FAM81A: variants seen among roughly 807,000 people sequenced by gnomAD.
The protein encoded by FAM81A is protein FAM81A.
A neutral mutation model predicts 46.7 loss-of-function variants in FAM81A; 19 were observed. That is an observed-to-expected ratio of 0.41 (90% confidence interval 0.28 to 0.60). The LOEUF (loss-of-function observed/expected upper bound fraction) is 0.60. Ranked by LOEUF, FAM81A falls within the 20% of genes least tolerant of loss-of-function variation. FAM81A has a pLI of 0.34. For missense variants in FAM81A, 377 were observed against 453.5 expected, an observed-to-expected ratio of 0.83 and a Z score of 1.53; for synonymous variants, 183 against 152.9, an observed-to-expected ratio of 1.20 and a Z score of -1.45.
intron 3 of FAM81A, among the ~76,000 whole-genome samples, chr15:59,475,833 A>G (rs1300175499): frequency 6.6e-6 from 1 of 152,214 alleles, no homozygotes. Flanking sequence ...GTCTACCTAA[A>G]CATGTTAGGA....
intron 1 of FAM81A, among the ~76,000 whole-genome samples, chr15:59,450,569 C>A (rs1168906155): frequency 1.1e-4 from 16 of 152,080 alleles, no homozygotes; most frequent in African/African-American, 3.9e-4. Context: ...TTGATCTTTT[C>A]ATACTTGATT....
chr15:59,453,025 A>G (rs2081437750), intron 1 of FAM81A, among the ~76,000 whole-genome samples: 1 of 152,230 alleles, frequency 6.6e-6, no homozygotes, highest in South Asian at 2.1e-4. Flanking sequence ...GGCCTCCCAA[A>G]GTGCTGGGAT....
chr15:59,485,313 C>T (rs370961859), intron 3 of FAM81A, among the ~76,000 whole-genome samples: 44 of 152,290 alleles, frequency 2.9e-4, no homozygotes, highest in African/African-American at 1.0e-3. Context: ...GAGCAAGATT[C>T]GGTGCTGTGC....
At chr15:59,479,617 G>A (rs1489174048) in intron 3 of FAM81A, among the ~76,000 whole-genome samples, 1 of 151,628 alleles carries the variant, frequency 6.6e-6, no homozygotes, top group Non-Finnish European at 1.5e-5. Context: ...CAAGGTGGTG[G>A]TGTTGAGGGA....
chr15:59,446,111 C>T (rs1422765747), intron 1 of FAM81A, among the ~76,000 whole-genome samples: 1 of 152,162 alleles, frequency 6.6e-6, no homozygotes, highest in African/African-American at 2.4e-5. Flanking sequence ...TATGAGTGTC[C>T]GTGAAGAGGC....
intron 3 of FAM81A, among the ~76,000 whole-genome samples, chr15:59,487,671 C>G (rs1239844133): frequency 6.6e-6 from 1 of 152,054 alleles, no homozygotes; most frequent in African/African-American, 2.4e-5. Context: ...TGGATAAATT[C>G]TTAGACACAT....
intron 3 of FAM81A, among the ~76,000 whole-genome samples, chr15:59,490,038 T>G (rs1031240537): frequency 6.6e-6 from 1 of 151,458 alleles, no homozygotes; most frequent in Admixed American, 6.6e-5. Flanking sequence ...ACAGAAATAA[T>G]CTGTACAACA....
At chr15:59,459,674 G>A (rs368045519) in intron 2 of FAM81A, among the ~76,000 whole-genome samples, 1 of 151,978 alleles carries the variant, frequency 6.6e-6, no homozygotes, top group Non-Finnish European at 1.5e-5. Flanking sequence ...GAGACATCTC[G>A]GTGTACCCAA....
At chr15:59,434,909 A>G (rs2081236457), upstream of FAM81A, among the ~76,000 whole-genome samples, 1 of 152,310 alleles carries the variant, frequency 6.6e-6, no homozygotes, top group South Asian at 2.1e-4. Flanking sequence ...TACTATCCTT[A>G]TAGATGTCGT....
At position 59,460,177 on chromosome 15, in the gene FAM81A, A is replaced by T; in HGVS notation, c.265A>T (p.Ile89Leu). ...LEEHIRNITA[I>L]VKQLNRDIEV... ...GGAGCATATCAGAAACATAACTGCC[A>T]TAGTGAAGCAACTTAATCGGGATAT... is the stretch of plus-strand genomic sequence containing the variant. The change falls in exon 3 of 9, where the codon ATA (isoleucine) becomes TTA (leucine). Residue 89 changes from isoleucine to leucine, a missense_variant. Physicochemically the swap from Ile to Leu is conservative, Grantham distance 5 (BLOSUM62 2). Transcript: ENST00000288228. The surrounding 1 kb of genome is among the most constrained non-coding windows in gnomAD (Gnocchi z 4.4). 6.2e-7 allele frequency: 1 copy of T among 1,614,060 alleles called. No homozygotes were observed. The highest frequency in any genetic ancestry group is 8.5e-7 in the Non-Finnish European group (1 of 1,179,900).
chr15:59,409,876 G>A (rs978635434), intron 2 of FAM81A, among the ~76,000 whole-genome samples: 2 of 152,098 alleles, frequency 1.3e-5, no homozygotes, highest in African/African-American at 4.8e-5. Context: ...AATTATTGGT[G>A]CCACAGACAT....
At chr15:59,517,836 T>C (rs2082283287) in intron 8 of FAM81A, among the ~76,000 whole-genome samples, 6 of 152,222 alleles carry the variant, frequency 3.9e-5, no homozygotes, top group Admixed American at 3.9e-4. Context: ...CTCGCATCAT[T>C]CCCTGAAGGA....
chr15:59,398,604 G>A (rs889177215), intron 1 of FAM81A, among the ~76,000 whole-genome samples: 4 of 136,466 alleles, frequency 2.9e-5, no homozygotes, highest in Admixed American at 7.3e-5. Context: ...ATCAAAAAAA[G>A]AAAATTATTG....
At chr15:59,459,892 A>G (rs541074309) in intron 2 of FAM81A, 41 bp from the exon 3 acceptor site, 1 of 1,517,292 alleles carries the variant, frequency 6.6e-7, no homozygotes, top group East Asian at 2.4e-5. Flanking sequence ...TTTAAACATT[A>G]TTTTTTCCCA....
chr15:59,478,634 G>C (rs2141703936), intron 3 of FAM81A, among the ~76,000 whole-genome samples: 1 of 152,316 alleles, frequency 6.6e-6, no homozygotes, highest in South Asian at 2.1e-4. Flanking sequence ...GGGTTTTGGT[G>C]ATTATCATCC....
intron 4 of FAM81A, among the ~76,000 whole-genome samples, chr15:59,493,140 C>T (rs2081998778): frequency 6.6e-6 from 1 of 152,184 alleles, no homozygotes; most frequent in Non-Finnish European, 1.5e-5. Flanking sequence ...TTCCCGTCAG[C>T]CTGAGGTGGC....
At chr15:59,473,373 G>A (rs1317838808) in intron 3 of FAM81A, among the ~76,000 whole-genome samples, 12 of 152,118 alleles carry the variant, frequency 7.9e-5, no homozygotes, top group East Asian at 3.8e-4. Context: ...CTACCTGCCC[G>A]TTAGTCACTT....
intron 4 of FAM81A, among the ~76,000 whole-genome samples, chr15:59,497,437 CTCTG>C (rs1461889928): frequency 6.6e-6 from 1 of 151,638 alleles, no homozygotes; most frequent in African/African-American, 2.4e-5. Context: ...CAGAGCAAGA[CTCTG>C]TCTCAAAAAA....
intron 3 of FAM81A, among the ~76,000 whole-genome samples, chr15:59,467,883 A>G (rs1019825087): frequency 1.3e-5 from 2 of 152,192 alleles, no homozygotes; most frequent in East Asian, 3.8e-4. Context: ...GATACGTTCC[A>G]TCAATACCTA....
Sources: allele counts gnomAD v4.1 joint callset (sites outside exome capture counted in the v4.1 genomes callset), GRCh38; gene constraint gnomAD v4.1.1; non-coding constraint Gnocchi (gnomAD v3.1); transcripts MANE v1.5; gene names NCBI Gene and HGNC (gene_info 2026-07-23, HGNC 2026-07-21).